The following MRTFB variants were observed in gnomAD, a reference collection of about 807,000 sequenced individuals.
MRTFB encodes myocardin-related transcription factor B.
MRTFB carries 29 observed loss-of-function variants against 104.2 expected under a neutral mutation model. The ratio of observed to expected loss-of-function variants is 0.28; its 90% CI spans 0.21 to 0.38. The LOEUF is 0.38. MRTFB is among the 10% of genes least tolerant of loss of function. MRTFB has a pLI of 1.00. For missense variants in MRTFB, 1,270 were observed against 1,341.6 expected (o/e 0.95, Z 0.83); for synonymous variants, 535 against 519.5 (o/e 1.03, Z -0.41).
intron 2 of MRTFB, among the ~76,000 whole-genome samples, chr16:14,104,046 A>G (rs927876211): frequency 6.6e-6 from 1 of 152,226 alleles, no homozygotes; most frequent in African/African-American, 2.4e-5. Flanking sequence ...GTACTGAAGT[A>G]TAATCTCCCT....
At position 14,164,430 on chromosome 16, in the gene MRTFB, T is replaced by C. The variant is rs188384039; in HGVS notation, c.154+23670T>C. ...CTTTTTTAATGGTTGAATAGTATTC[T>C]GTTGTGTGTTTGCCATGTGTGTGCG... On this transcript the variant is annotated intron_variant, in intron 3 of 16. Transcript: ENST00000571589. Among the ~76,000 whole-genome samples, 23 of 152,282 alleles carry C rather than the reference T, an allele frequency of 1.5e-4. No individual in the cohort carries two copies. In the East Asian group the frequency reaches 2.1e-3, roughly 14 times the overall value.
rs3974321 is a variant in MRTFB, at chr16:14,096,051, A to AATTTATTT, written c.-64+16734_-64+16741dup. Among the ~76,000 whole-genome samples the AATTTATTT allele has an allele frequency of 9.7e-3, 1,393 of 144,338 alleles. 16 individuals carry two copies. The highest frequency in any genetic ancestry group is 0.028 in the East Asian group (137 of 4,866). 94.7% of individuals were successfully genotyped at this position (144,338 alleles called of 152,430 possible). A position where few individuals can be genotyped will look rare whatever the true frequency, so the allele number is the denominator to read the frequency against. On this transcript the variant is annotated intron_variant, in intron 2 of 16. Coordinates refer to ENST00000571589, the MANE Select transcript of MRTFB (RefSeq NM_001308142.2). ...ACATGACAGTTTAGAGGCAAGCTGA[A>AATTTATTT]ATTTATTTATTTATTTATTTATTTA... is the stretch of plus-strand genomic sequence containing the variant.
At chr16:14,226,178 G>C (rs2041995829) in intron 8 of MRTFB, among the ~76,000 whole-genome samples, 1 of 152,146 alleles carries the variant, frequency 6.6e-6, no homozygotes, top group Admixed American at 6.5e-5. Context: ...ATTCAGTACA[G>C]TTCATATCAA....
intron 13 of MRTFB, among the ~76,000 whole-genome samples, chr16:14,251,078 T>G (rs75916347): frequency 8.5e-4 from 129 of 152,188 alleles, no homozygotes; most frequent in Middle Eastern, 6.8e-3. Context: ...GTCATGGCCA[T>G]TGAAGACTTG....
chr16:14,198,429 CT>C (rs763222417), intron 3 of MRTFB, among the ~76,000 whole-genome samples: 1 of 152,196 alleles, frequency 6.6e-6, no homozygotes, highest in East Asian at 1.9e-4. Flanking sequence ...TTAGAAAGAA[CT>C]GCTAAATGTT....
intron 2 of MRTFB, among the ~76,000 whole-genome samples, chr16:14,092,356 A>T: frequency 6.6e-6 from 1 of 152,130 alleles, no homozygotes; most frequent in Non-Finnish European, 1.5e-5. Context: ...AGGTAGTTAG[A>T]TTGTTTGATT....
chr16:14,061,925 C>T, the MRTFB span, among the ~76,000 whole-genome samples: 26 of 152,268 alleles, frequency 1.7e-4, no homozygotes, highest in South Asian at 5.2e-3. Context: ...CCCTTCCTCC[C>T]TGTACCAGTG....
At chr16:14,187,203 G>T (rs979275265) in intron 3 of MRTFB, among the ~76,000 whole-genome samples, 1 of 152,168 alleles carries the variant, frequency 6.6e-6, no homozygotes, top group Non-Finnish European at 1.5e-5. Flanking sequence ...CTGGGTAGCT[G>T]TTACTAAAGA....
intron 2 of MRTFB, among the ~76,000 whole-genome samples, chr16:14,088,612 T>A (rs907400180): frequency 6.6e-6 from 1 of 152,214 alleles, no homozygotes; most frequent in Non-Finnish European, 1.5e-5. Flanking sequence ...CATCAACTCA[T>A]GAAGCCAAGG....
intron 2 of MRTFB, among the ~76,000 whole-genome samples, chr16:14,093,940 T>C (rs917352573): frequency 9.2e-5 from 14 of 152,358 alleles, no homozygotes; most frequent in Admixed American, 4.6e-4. Flanking sequence ...TAACATAATA[T>C]AGCTTTTTCT....
At chr16:14,063,607 T>C in the MRTFB span, among the ~76,000 whole-genome samples, 1 of 152,194 alleles carries the variant, frequency 6.6e-6, no homozygotes, top group South Asian at 2.1e-4. Context: ...CATGTGATGT[T>C]TGGTTTTCTG....
intron 4 of MRTFB, among the ~76,000 whole-genome samples, chr16:14,211,190 T>C (rs1391422487): frequency 1.3e-5 from 2 of 152,214 alleles, no homozygotes; most frequent in African/African-American, 2.4e-5. Context: ...TCTGGACTAC[T>C]ATTGAGAATC....
chr16:14,121,203 CTTT>C (rs75728032), intron 2 of MRTFB, among the ~76,000 whole-genome samples: 2 of 136,744 alleles, frequency 1.5e-5, no homozygotes, highest in African/African-American at 2.6e-5. Context: ...GTTAATATGG[CTTT>C]TTTTTTTTTT....
intron 3 of MRTFB, among the ~76,000 whole-genome samples, chr16:14,190,351 T>C (rs748441663): frequency 5.3e-5 from 8 of 152,202 alleles, no homozygotes; most frequent in Non-Finnish European, 1.2e-4. Context: ...GCTTTCAATT[T>C]CTGGATCTAC....
Position 14,246,964 on chromosome 16 carries a change from C to T in MRTFB, c.1704C>T (p.Ala568=), listed in dbSNP as rs767355441. 7 of 1,614,016 alleles carry T rather than the reference C, an allele frequency of 4.3e-6. No individual in the cohort carries two copies. Among genetic ancestry groups the T allele is most frequent in the Middle Eastern group, 1.7e-4 (1 of 6,060 alleles). ...STLSNLELDA[A]EKDRKLQEKE... The stretch of plus-strand genomic sequence containing the variant: ...TGTCAAACCTGGAACTGGATGCAGC[C>T]GAAAAGGATCGCAAGCTTCAGGAGA... The change falls in exon 12 of 17, where the codon GCC becomes GCT. Residue 568 remains alanine, a synonymous_variant. Transcript: ENST00000571589.
At chr16:14,129,122 T>C (rs1429913353) in intron 2 of MRTFB, among the ~76,000 whole-genome samples, 2 of 152,244 alleles carry the variant, frequency 1.3e-5, no homozygotes, top group Admixed American at 6.5e-5. Context: ...TAGTATTCCA[T>C]TGGATGCATG....
the MRTFB span, among the ~76,000 whole-genome samples, chr16:14,003,651 TC>T: frequency 1.3e-4 from 4 of 30,582 alleles, no homozygotes; most frequent in Non-Finnish European, 3.3e-4. Context: ...CCTCCCTCCC[TC>T]CCTCCCTCCC....
the MRTFB span, among the ~76,000 whole-genome samples, chr16:14,043,880 A>G: frequency 1.1e-4 from 17 of 152,322 alleles, no homozygotes; most frequent in East Asian, 2.3e-3. Context: ...AGAACTCACC[A>G]TCAAGTGAGA....
the MRTFB span, among the ~76,000 whole-genome samples, chr16:14,061,960 A>G: frequency 6.6e-6 from 1 of 152,210 alleles, no homozygotes; most frequent in African/African-American, 2.4e-5. Context: ...TCAAAGAACA[A>G]AGAAGCCAAC....
Sources: gnomAD v4.1 joint callset for allele counts (sites outside exome capture counted in the v4.1 genomes callset) on GRCh38, gnomAD v4.1.1 for gene constraint, MANE v1.5 for transcripts, NCBI Gene and HGNC (gene_info 2026-07-23, HGNC 2026-07-21) for gene names.